The following TMPRSS11F variants were observed in gnomAD, a reference collection of about 807,000 sequenced individuals.
TMPRSS11F encodes transmembrane protease serine 11F.
Under a neutral mutation model 60.2 loss-of-function variants are expected in TMPRSS11F, and 47 were observed. That is an observed-to-expected ratio of 0.78 (90% CI 0.62 to 1.00). The LOEUF is 1.00. Among genes scored for constraint, TMPRSS11F ranks in the 50% least tolerant of loss-of-function variants. The probability of loss-of-function intolerance (pLI) is 0.00; values close to 1 mark genes in which losing one functional copy is unlikely to be tolerated. For missense variants in TMPRSS11F, 519 were observed against 522.9 expected (o/e 0.99, Z 0.07); for synonymous variants, 166 against 167.3 (o/e 0.99, Z 0.06).
chr4:68,054,690 T>G (rs1723005213), intron 9 of TMPRSS11F, among the ~76,000 whole-genome samples: 1 of 152,142 alleles, frequency 6.6e-6, no homozygotes, highest in African/African-American at 2.4e-5. Context: ...GGTGAGATAC[T>G]TAAGCTTTCT....
chr4:68,101,946 T>C (rs894062954), intron 1 of TMPRSS11F, among the ~76,000 whole-genome samples: 14 of 152,166 alleles, frequency 9.2e-5, no homozygotes, highest in Admixed American at 9.2e-4. Flanking sequence ...CTTTCCATCC[T>C]ACATATCTGC....
chr4:68,070,181 A>G (rs1430383090), intron 5 of TMPRSS11F, among the ~76,000 whole-genome samples, 174 bp from the exon 6 acceptor site: 1 of 152,202 alleles, frequency 6.6e-6, no homozygotes, highest in Non-Finnish European at 1.5e-5. Flanking sequence ...CTCTGATTTT[A>G]TTTTTGGTCC....
chr4:68,093,463 A>T (rs566227227), intron 2 of TMPRSS11F, among the ~76,000 whole-genome samples: 49 of 152,292 alleles, frequency 3.2e-4, no homozygotes, highest in African/African-American at 1.2e-3. Context: ...AAACCTAGCC[A>T]TTATCATTCA....
intron 1 of TMPRSS11F, among the ~76,000 whole-genome samples, chr4:68,126,097 G>A (rs28421158): frequency 0.022 from 3,296 of 151,970 alleles, 117 homozygotes; most frequent in African/African-American, 0.074. Context: ...TATTTATCAC[G>A]TTTCCTCCTC....
At chr4:68,087,808 T>C (rs1452103651) in intron 3 of TMPRSS11F, among the ~76,000 whole-genome samples, 1 of 151,482 alleles carries the variant, frequency 6.6e-6, no homozygotes, top group Non-Finnish European at 1.5e-5. Flanking sequence ...CATGCTGGTG[T>C]GCTGCACCCA....
At chr4:68,056,448 A>G (rs1723048127) in intron 9 of TMPRSS11F, among the ~76,000 whole-genome samples, 1 of 151,570 alleles carries the variant, frequency 6.6e-6, no homozygotes, top group African/African-American at 2.4e-5. Flanking sequence ...AAATAGCAAA[A>G]AAAAAAAAAC....
intron 1 of TMPRSS11F, among the ~76,000 whole-genome samples, chr4:68,116,030 T>C (rs1724512480): frequency 6.6e-6 from 1 of 152,118 alleles, no homozygotes; most frequent in Non-Finnish European, 1.5e-5. Flanking sequence ...TTATTTTGGC[T>C]TTTCTAGGTC....
At chr4:68,092,761 C>T (rs987458273) in intron 2 of TMPRSS11F, among the ~76,000 whole-genome samples, 1 of 152,044 alleles carries the variant, frequency 6.6e-6, no homozygotes, top group Non-Finnish European at 1.5e-5. Context: ...CAGAGTGACA[C>T]AGCTATTCTA....
chr4:68,061,949 C>G, intron 8 of TMPRSS11F: 1 of 437,888 alleles, frequency 2.3e-6, no homozygotes, highest in Non-Finnish European at 4.5e-6. Context: ...GAATGCTTGT[C>G]TGCACTTAGA....
intron 3 of TMPRSS11F, among the ~76,000 whole-genome samples, chr4:68,089,205 A>G (rs566061967): frequency 6.6e-6 from 1 of 152,300 alleles, no homozygotes; most frequent in East Asian, 1.9e-4. Context: ...AACTGAGTGA[A>G]ATATAGAATA....
chr4:68,071,468 A>G (rs1723460946), intron 5 of TMPRSS11F, among the ~76,000 whole-genome samples: 2 of 152,232 alleles, frequency 1.3e-5, no homozygotes, highest in Non-Finnish European at 2.9e-5. Flanking sequence ...AAACTTGGAA[A>G]TACATAACAA....
chr4:68,086,905 T>C (rs1318539447), intron 3 of TMPRSS11F, among the ~76,000 whole-genome samples: 1 of 152,020 alleles, frequency 6.6e-6, no homozygotes, highest in Non-Finnish European at 1.5e-5. Context: ...ACAAAATCCC[T>C]GGACCAGATG....
At chr4:68,059,907 T>C (rs1440565699) in intron 8 of TMPRSS11F, among the ~76,000 whole-genome samples, 1 of 152,130 alleles carries the variant, frequency 6.6e-6, no homozygotes, top group African/African-American at 2.4e-5. Context: ...CACCCTACTC[T>C]ACTCTGTCAT....
rs188344222 is a variant in TMPRSS11F at position 68,128,222 on chromosome 4, C to T, written c.11+1588G>A. Among the ~76,000 whole-genome samples the T allele has an allele frequency of 9.2e-5, 14 of 152,226 alleles. No individual in the cohort carries two copies. The East Asian group carries it at 1.7e-3, about 19-fold the overall frequency. On this transcript the variant is annotated intron_variant, in intron 1 of 9. Transcript: ENST00000356291. Reference sequence around the variant, plus strand: ...ACTGTCTAAGCTTCTTATCTTTATACACAAGATATATTTTTTGACAGAATA... The same window carrying T: ...ACTGTCTAAGCTTCTTATCTTTATATACAAGATATATTTTTTGACAGAATA...
In TMPRSS11F at chr4:68,068,661, T is replaced by C. The variant is rs1723383450; in HGVS notation, c.712A>G (p.Ile238Val). ...GSGHQCGASL[I>V]SNTWLLTAAH... ...GCTGTGAGCAGCCATGTGTTACTGA[T>C]GAGGCTGGCTCCACACTGATGGCCT... The change falls in exon 7 of 10, where the codon ATC becomes GTC. Residue 238 changes from isoleucine to valine, a missense_variant. Transcript: ENST00000356291. 1 of 1,614,182 alleles carries C rather than the reference T, an allele frequency of 6.2e-7. No individual in the cohort carries two copies.
At chr4:68,059,591 A>T in intron 8 of TMPRSS11F, 123 bp from the exon 9 acceptor site, 1 of 963,404 alleles carries the variant, frequency 1.0e-6, no homozygotes, top group African/African-American at 1.6e-5. Flanking sequence ...ATTAGCTATC[A>T]TCTTATTTTC....
chr4:68,096,193 C>T (rs1724071585), intron 2 of TMPRSS11F, among the ~76,000 whole-genome samples: 2 of 151,854 alleles, frequency 1.3e-5, no homozygotes, highest in Admixed American at 6.6e-5. Context: ...TAGATGCAAG[C>T]CTCAAAAAAA....
intron 2 of TMPRSS11F, among the ~76,000 whole-genome samples, chr4:68,092,264 C>T (rs1723958859): frequency 6.6e-6 from 1 of 151,856 alleles, no homozygotes; most frequent in African/African-American, 2.4e-5. Context: ...AAATTATATA[C>T]AAGAGGATGA....
chr4:68,122,763 C>A (rs912725485), intron 1 of TMPRSS11F, among the ~76,000 whole-genome samples: 2 of 152,146 alleles, frequency 1.3e-5, no homozygotes, highest in Non-Finnish European at 2.9e-5. Flanking sequence ...AAGGCAATCA[C>A]GAATATAGAA....
Sources: allele counts gnomAD v4.1 joint callset (sites outside exome capture counted in the v4.1 genomes callset), GRCh38; gene constraint gnomAD v4.1.1; transcripts MANE v1.5; gene names NCBI Gene and HGNC (gene_info 2026-07-23, HGNC 2026-07-21).